The following KIF6 variants were observed in gnomAD, a reference collection of about 807,000 sequenced individuals.
KIF6 encodes kinesin family member 6.
Under a neutral mutation model 112.7 loss-of-function variants are expected in KIF6, and 106 were observed. That is an observed-to-expected ratio of 0.94 (90% confidence interval 0.80 to 1.11). The LOEUF (loss-of-function observed/expected upper bound fraction) is 1.11. Among genes scored for constraint, KIF6 ranks in the 50% least tolerant of loss-of-function variants. The pLI, the probability that KIF6 is intolerant of heterozygous loss-of-function variation, is 0.00. For missense variants in KIF6, 929 were observed against 964.0 expected, an observed-to-expected ratio of 0.96 and a Z score of 0.48; for synonymous variants, 339 against 339.9, an observed-to-expected ratio of 1.00 and a Z score of 0.03.
At chr6:39,597,208 A>T (rs1286794374) in intron 6 of KIF6, among the ~76,000 whole-genome samples, 1 of 152,198 alleles carries the variant, frequency 6.6e-6, no homozygotes, top group Non-Finnish European at 1.5e-5. Flanking sequence ...TTACAGAAAA[A>T]GACAAATTGA....
intron 3 of KIF6, chr6:39,690,154 C>T (rs1028265064): frequency 6.6e-6 from 1 of 152,084 alleles, no homozygotes; most frequent in African/African-American, 2.4e-5. Context: ...TTTACTAATA[C>T]AGTGATATAA....
intron 3 of KIF6, among the ~76,000 whole-genome samples, chr6:39,656,801 C>T (rs953371382): frequency 3.9e-5 from 6 of 152,162 alleles, no homozygotes; most frequent in Non-Finnish European, 5.9e-5. Flanking sequence ...TCCATTGCTA[C>T]CTGCTTTTTA....
In KIF6 at chr6:39,475,129, T is replaced by C. The variant is rs145064599; in HGVS notation, c.1646-43968A>G. On this transcript the variant is annotated intron_variant, in intron 13 of 22. Transcript: ENST00000287152. ...CTGAGTCAAAGTCTTGGCTCCTTTA[T>C]ATGAATTGTGTGACCTTGGGCAAGT... 4.7e-3 allele frequency among the ~76,000 whole-genome samples: 717 copies of C among 152,342 alleles called. 3 individuals carry two copies. The highest frequency in any genetic ancestry group is 8.8e-3 in the Non-Finnish European group (599 of 68,026).
intron 13 of KIF6, among the ~76,000 whole-genome samples, chr6:39,437,554 GCTCT>G (rs150338364): frequency 6.6e-6 from 1 of 150,952 alleles, no homozygotes; most frequent in Non-Finnish European, 1.5e-5. Flanking sequence ...TGTATCCATT[GCTCT>G]CTCTCTCTCT....
intron 15 of KIF6, among the ~76,000 whole-genome samples, chr6:39,414,860 C>T (rs555096939): frequency 6.6e-4 from 100 of 151,866 alleles, no homozygotes; most frequent in Non-Finnish European, 9.7e-4. Context: ...CTAGTCTGGC[C>T]ACTTACAAAG....
chr6:39,468,208 A>G (rs577594439), intron 13 of KIF6, among the ~76,000 whole-genome samples: 1 of 152,220 alleles, frequency 6.6e-6, no homozygotes, highest in Non-Finnish European at 1.5e-5. Flanking sequence ...CAAAAGGAAT[A>G]GAGCCTCAGT....
rs373716014 is a variant in KIF6 at position 39,584,882 on chromosome 6, G to A, written c.1077+16C>T. ...ACTTTAATATATTTTTTAAAATATC[G>A]TTAAAAGTTGCTTACTAATCTGGGG... On this transcript the variant is annotated intron_variant, in intron 9 of 22. Transcript: ENST00000287152. 142 of 1,489,212 alleles carry A rather than the reference G, an allele frequency of 9.5e-5. No individual in the cohort carries two copies. Among genetic ancestry groups the A allele is most frequent in the South Asian group, 7.6e-4 (66 of 87,330 alleles). 92.2% of individuals were successfully genotyped at this position (1,489,212 alleles called of 1,614,324 possible). A position where few individuals can be genotyped will look rare whatever the true frequency, so the allele number is the denominator to read the frequency against.
In KIF6 at chr6:39,592,834, G is replaced by A. The variant is rs527570925; in HGVS notation, c.846+3220C>T. On this transcript the variant is annotated intron_variant, in intron 7 of 22. Transcript: ENST00000287152. ...AATAAAGTCCATTCAACTCAGAGAG[G>A]TTGCACCCTTTGAGCAGGTGTGAGG... Among the ~76,000 whole-genome samples the A allele has an allele frequency of 4.3e-4, 66 of 152,308 alleles. 1 individual carries two copies. Among genetic ancestry groups the A allele is most frequent in the African/African-American group, 1.5e-3 (63 of 41,550 alleles).
At chr6:39,487,750 C>A (rs1355088538) in intron 13 of KIF6, among the ~76,000 whole-genome samples, 1 of 152,098 alleles carries the variant, frequency 6.6e-6, no homozygotes, top group East Asian at 1.9e-4. Flanking sequence ...GAAAAACAGT[C>A]CTATAGATGA....
At chr6:39,636,091 C>T (rs1283365882) in intron 4 of KIF6, among the ~76,000 whole-genome samples, 1 of 151,962 alleles carries the variant, frequency 6.6e-6, no homozygotes, top group Non-Finnish European at 1.5e-5. Flanking sequence ...AAAAGCTGGA[C>T]TCCTACTCTA....
At chr6:39,397,775 C>A (rs1768383862) in intron 15 of KIF6, among the ~76,000 whole-genome samples, 1 of 152,120 alleles carries the variant, frequency 6.6e-6, no homozygotes, top group Non-Finnish European at 1.5e-5. Flanking sequence ...AACTACACTT[C>A]TTCAGCCAAC....
rs1263730237 is a variant in KIF6 at position 39,330,624 on chromosome 6, C to T, written c.*5908G>A. ...GTGAATGGAGAGGGAAGAGTACCAG[C>T]TGGCATGCTGCTTGCTCTTTGCTGA... On this transcript the variant is annotated 3_prime_UTR_variant, in exon 23 of 23. Transcript: ENST00000287152. The T allele has an allele frequency of 6.6e-6, 1 of 152,276 alleles. No homozygotes were observed. Among genetic ancestry groups the T allele is most frequent in the African/African-American group, 2.4e-5 (1 of 41,458 alleles). The allele number at this position is 152,276 out of a possible 1,614,324, so 9.4% of individuals were successfully genotyped here.
At chr6:39,525,134 C>T (rs562683660) in intron 13 of KIF6, among the ~76,000 whole-genome samples, 1 of 151,998 alleles carries the variant, frequency 6.6e-6, no homozygotes, top group Admixed American at 6.6e-5. Context: ...AGATGAGTGC[C>T]CTCTCCCCAG....
chr6:39,409,887 A>AAAACCCTCTTCCCCACCTCTGTCCCAG (rs1769358891), intron 15 of KIF6, among the ~76,000 whole-genome samples: 1 of 152,244 alleles, frequency 6.6e-6, no homozygotes, highest in East Asian at 1.9e-4. Flanking sequence ...CATCACTGAC[A>AAAACCCTCTTCCCCACCTCTGTCCCAG]AAACCCTCTT....
At chr6:39,476,095 G>A (rs1432912122) in intron 13 of KIF6, among the ~76,000 whole-genome samples, 1 of 151,968 alleles carries the variant, frequency 6.6e-6, no homozygotes, top group Non-Finnish European at 1.5e-5. Context: ...AATGCATGCG[G>A]GGCTTAACAT....
intron 15 of KIF6, among the ~76,000 whole-genome samples, chr6:39,386,599 G>A (rs9462540): frequency 0.043 from 6,518 of 152,036 alleles, 160 homozygotes; most frequent in African/African-American, 0.057. Context: ...TAAATCTTCT[G>A]GCAAAGCAGT....
At chr6:39,492,199 T>C (rs558674638) in intron 13 of KIF6, among the ~76,000 whole-genome samples, 3 of 152,254 alleles carry the variant, frequency 2.0e-5, no homozygotes, top group African/African-American at 4.8e-5. Context: ...AGTTAAACAA[T>C]AGGGCTTCTA....
In KIF6 at chr6:39,342,786, T is replaced by C; in HGVS notation, c.2428+923A>G. ...CAGGCTGGCGGCCAAGCAAGGCGAG[T>C]ACAGGACCAAGGCCGGCTCTCAGTT... On this transcript the variant is annotated intron_variant, in intron 22 of 22. Transcript: ENST00000287152. The surrounding 1 kb of genome is among the most constrained non-coding windows in gnomAD (Gnocchi z 4.7). 4 of 984,912 alleles carry C rather than the reference T, an allele frequency of 4.1e-6. No individual in the cohort carries two copies. Among genetic ancestry groups the C allele is most frequent in the Non-Finnish European group, 4.8e-6 (4 of 829,820 alleles). The allele number at this position is 984,912 out of a possible 1,614,324, so 61.0% of individuals were successfully genotyped here. A position where few individuals can be genotyped will look rare whatever the true frequency, so the allele number is the denominator to read the frequency against.
rs554923140 is a variant in KIF6, at chr6:39,334,080, C to T, written c.*2452G>A. On this transcript the variant is annotated 3_prime_UTR_variant, in exon 23 of 23. Coordinates refer to ENST00000287152, the MANE Select transcript of KIF6 (RefSeq NM_145027.6). ...AGGGGATGTTCGGAGCAAAAGGCCC[C>T]TTGGCCAGTTGCTGCACACACTTTG... The T allele has an allele frequency of 6.6e-6, 1 of 152,398 alleles. No individual in the cohort carries two copies. Among genetic ancestry groups the T allele is most frequent in the South Asian group, 2.1e-4 (1 of 4,834 alleles). The allele number at this position is 152,398 out of a possible 1,614,324, so 9.4% of individuals were successfully genotyped here. A position where few individuals can be genotyped will look rare whatever the true frequency, so the allele number is the denominator to read the frequency against.
Sources: gnomAD v4.1 joint callset for allele counts (sites outside exome capture counted in the v4.1 genomes callset) on GRCh38, gnomAD v4.1.1 for gene constraint, Gnocchi (gnomAD v3.1) non-coding constraint, MANE v1.5 for transcripts, NCBI Gene and HGNC (gene_info 2026-07-23, HGNC 2026-07-21) for gene names.